Variants in PCDHGB1 observed in about 807,000 individuals in gnomAD.
The protein encoded by PCDHGB1 is protocadherin gamma subfamily B, 1, also known as protocadherin gamma-B1.
Under a neutral mutation model 56.6 loss-of-function variants are expected in PCDHGB1, and 34 were observed. The observed-to-expected ratio is 0.60, with a 90% CI of 0.46 to 0.80. PCDHGB1 has a LOEUF of 0.80. PCDHGB1 is among the 30% of genes least tolerant of loss of function. The probability of loss-of-function intolerance (pLI) is 0.00; values close to 1 mark genes in which losing one functional copy is unlikely to be tolerated. For synonymous variants in PCDHGB1, 561 were observed against 505.9 expected (o/e 1.11, Z -1.46); for missense variants, 1,278 against 1,204.6 (o/e 1.06, Z -0.90).
At chr5:141,394,688 G>A (rs770742323) in intron 1 of PCDHGB1, 3 of 1,611,882 alleles carry the variant, frequency 1.9e-6, no homozygotes, top group Middle Eastern at 1.7e-4. Flanking sequence ...ACACGGGCGA[G>A]GTGCGCACGG....
Position 141,444,149 on chromosome 5 carries a change from T to C in PCDHGB1, c.2410-50658T>C, listed in dbSNP as rs180678850. On this transcript the variant is annotated intron_variant, in intron 1 of 3. Transcript: ENST00000523390. ...ACAGATATGTGTCACTTGTGTGTAC[T>C]GGATTTTTTTTTTTTTTTTTTTTTT... Among the ~76,000 whole-genome samples, 383 of 136,820 alleles carry C rather than the reference T, an allele frequency of 2.8e-3. 2 individuals carry two copies. Among genetic ancestry groups the C allele is most frequent in the Middle Eastern group, 0.012 (3 of 252 alleles). 89.8% of individuals were successfully genotyped at this position (136,820 alleles called of 152,430 possible). A position where few individuals can be genotyped will look rare whatever the true frequency, so the allele number is the denominator to read the frequency against.
At chr5:141,425,717 C>G (rs1207360676) in intron 1 of PCDHGB1, among the ~76,000 whole-genome samples, 1 of 152,188 alleles carries the variant, frequency 6.6e-6, no homozygotes, top group African/African-American at 2.4e-5. Context: ...TTTTCCCATA[C>G]CACTTGATGG....
chr5:141,475,162 G>T (rs949339969), intron 1 of PCDHGB1, among the ~76,000 whole-genome samples: 2 of 152,034 alleles, frequency 1.3e-5, no homozygotes, highest in South Asian at 4.1e-4. Flanking sequence ...TTCTTCATTA[G>T]CAGTGCAACT....
At position 141,489,947 on chromosome 5, in the gene PCDHGB1, A is replaced by G. The variant is rs368977481; in HGVS notation, c.2410-4860A>G. The G allele has an allele frequency of 5.4e-5, 87 of 1,614,090 alleles. No individual in the cohort carries two copies. Among genetic ancestry groups the G allele is most frequent in the South Asian group, 6.6e-5 (6 of 91,094 alleles). ...ATCTCTGTCATCGTGCTGGACATCA[A>G]TGATAATGCTCCAACCTTCCAATCC... On this transcript the variant is annotated intron_variant, in intron 1 of 3. Transcript: ENST00000523390. This position sits in a 1 kb window ranked among gnomAD's most constrained non-coding sequence, Gnocchi z 4.5.
At position 141,463,610 on chromosome 5, in the gene PCDHGB1, G is replaced by T. The variant is rs189991450; in HGVS notation, c.2410-31197G>T. Among the ~76,000 whole-genome samples, 263 of 151,786 alleles carry T rather than the reference G, an allele frequency of 1.7e-3. 1 individual carries two copies. The highest frequency in any genetic ancestry group is 3.4e-3 in the Middle Eastern group (1 of 292). ...ACTACAGGTGCCTGCCACCATGCCC[G>T]GCTAATTTTTTGTATTTTGTTTAGT... On this transcript the variant is annotated intron_variant, in intron 1 of 3. Transcript: ENST00000523390.
chr5:141,392,498 A>AT (rs201401101), intron 1 of PCDHGB1: 334 of 217,284 alleles, frequency 1.5e-3, no homozygotes, highest in East Asian at 0.014. Flanking sequence ...TAAGCAAATG[A>AT]TTTTTTTTTC....
At chr5:141,375,512 C>G in intron 1 of PCDHGB1, 3 of 1,614,054 alleles carry the variant, frequency 1.9e-6, no homozygotes, top group Non-Finnish European at 2.5e-6. Flanking sequence ...TGTGAATGCA[C>G]TGGACCCTGA....
Position 141,431,755 on chromosome 5 carries a change from AGTCCT to A in PCDHGB1, c.2410-63050_2410-63046del. On this transcript the variant is annotated intron_variant, in intron 1 of 3. Coordinates refer to ENST00000523390, the MANE Select transcript of PCDHGB1 (RefSeq NM_018922.3). This position sits in a 1 kb window ranked among gnomAD's most constrained non-coding sequence, Gnocchi z 4.8. ...ATGCAGGATATTCTGCGCGAGCCAA[AGTCCT>A]GATCACTGTTCTGGACGTGAACGAC... 6.2e-7 allele frequency: 1 copy of A among 1,614,238 alleles called. No individual in the cohort carries two copies. Among genetic ancestry groups the A allele is most frequent in the Non-Finnish European group, 8.5e-7 (1 of 1,180,048 alleles).
intron 3 of PCDHGB1, among the ~76,000 whole-genome samples, chr5:141,509,353 C>A (rs2099876446): frequency 6.6e-6 from 1 of 152,170 alleles, no homozygotes; most frequent in Non-Finnish European, 1.5e-5. Context: ...CTGGCCTGGG[C>A]ATCCCTGAGG....
intron 1 of PCDHGB1, chr5:141,365,946 A>G (rs758519546): frequency 1.4e-5 from 22 of 1,614,020 alleles, no homozygotes; most frequent in Non-Finnish European, 1.9e-5. Flanking sequence ...GACAGTGGGA[A>G]CCCTCCACTT....
At chr5:141,421,973 G>C in intron 1 of PCDHGB1, 1 of 1,610,100 alleles carries the variant, frequency 6.2e-7, no homozygotes, top group Non-Finnish European at 8.5e-7. Context: ...TCCGTATATC[G>C]CGTGAGTGTT....
At chr5:141,378,896 TTCTGTTA>T (rs1377436714) in intron 1 of PCDHGB1, 1 of 152,242 alleles carries the variant, frequency 6.6e-6, no homozygotes, top group Non-Finnish European at 1.5e-5. Context: ...AGATAGGAGA[TTCTGTTA>T]TCGACAGTCT....
chr5:141,367,486 G>A (rs1765164408), intron 1 of PCDHGB1: 1 of 152,108 alleles, frequency 6.6e-6, no homozygotes, highest in African/African-American at 2.4e-5. Context: ...GCAGTAAGCC[G>A]AGATCGCGCC....
At chr5:141,435,391 A>C (rs1328617100) in intron 1 of PCDHGB1, among the ~76,000 whole-genome samples, 5 of 152,202 alleles carry the variant, frequency 3.3e-5, no homozygotes, top group African/African-American at 1.2e-4. Flanking sequence ...CCGTATTGCC[A>C]TGACGAAAAA....
At chr5:141,416,245 C>T (rs1029299377) in intron 1 of PCDHGB1, 1 of 152,234 alleles carries the variant, frequency 6.6e-6, no homozygotes, top group Non-Finnish European at 1.5e-5. Flanking sequence ...CTATTTATAA[C>T]TGATAACACT....
In PCDHGB1 at chr5:141,427,541, C is replaced by G. The variant is rs541988301; in HGVS notation, c.2410-67266C>G. ...AGCGGATCCCGGAGTACAACGTCACCATCACTGCCACTGACAAGGGCAAGC... is the reference window on the plus strand; with the variant it reads ...AGCGGATCCCGGAGTACAACGTCACGATCACTGCCACTGACAAGGGCAAGC... On this transcript the variant is annotated intron_variant, in intron 1 of 3. Coordinates refer to ENST00000523390, the MANE Select transcript of PCDHGB1 (RefSeq NM_018922.3). 3.1e-5 allele frequency: 20 copies of G among 635,320 alleles called. No individual in the cohort carries two copies. The African/African-American group carries it at 3.6e-4, about 11-fold the overall frequency. The allele number at this position is 635,320 out of a possible 1,614,324, so 39.4% of individuals were successfully genotyped here.
intron 1 of PCDHGB1, chr5:141,415,435 C>A: frequency 1.2e-6 from 2 of 1,614,202 alleles, no homozygotes; most frequent in Non-Finnish European, 8.5e-7. Context: ...TCGGGCTTTC[C>A]TGCAGACCTA....
intron 1 of PCDHGB1, among the ~76,000 whole-genome samples, chr5:141,448,274 T>G (rs2098579713): frequency 6.6e-6 from 1 of 152,196 alleles, no homozygotes; most frequent in South Asian, 2.1e-4. Context: ...TATATACTGT[T>G]GTGCAACTTG....
chr5:141,490,402 G>A lies in PCDHGB1; in HGVS notation c.2410-4405G>A. On this transcript the variant is annotated intron_variant, in intron 1 of 3. Coordinates refer to ENST00000523390, the MANE Select transcript of PCDHGB1 (RefSeq NM_018922.3). This position sits in a 1 kb window ranked among gnomAD's most constrained non-coding sequence, Gnocchi z 5.4. The stretch of plus-strand genomic sequence containing the variant: ...AGGTAGAAATGGTGAAGTGAGCCTT[G>A]ATATCTCTCCGGACCTGCCATTTCA... 6.2e-7 allele frequency: 1 copy of A among 1,614,182 alleles called. No homozygotes were observed. The highest frequency in any genetic ancestry group is 8.5e-7 in the Non-Finnish European group (1 of 1,180,024).
Sources: allele counts gnomAD v4.1 joint callset (sites outside exome capture counted in the v4.1 genomes callset), GRCh38; gene constraint gnomAD v4.1.1; non-coding constraint Gnocchi (gnomAD v3.1); transcripts MANE v1.5; gene names NCBI Gene and HGNC (gene_info 2026-07-23, HGNC 2026-07-21).